BMPR1A: variants seen among roughly 807,000 people sequenced by gnomAD.
BMPR1A encodes bone morphogenetic protein receptor type-1A.
In BMPR1A, 7 loss-of-function variants were observed where a neutral mutation model predicts 66.0. The observed-to-expected ratio is 0.11, with a 90% CI of 0.06 to 0.20. BMPR1A has a LOEUF of 0.20. Among genes scored for constraint, BMPR1A ranks in the 10% least tolerant of loss-of-function variants. The pLI, the probability that BMPR1A is intolerant of heterozygous loss-of-function variation, is 1.00. For synonymous variants in BMPR1A, 200 were observed against 229.7 expected, an observed-to-expected ratio of 0.87 and a Z score of 1.17; for missense variants, 408 against 669.1, an observed-to-expected ratio of 0.61 and a Z score of 4.31.
At chr10:86,837,119 C>T (rs1842359761) in intron 1 of BMPR1A, among the ~76,000 whole-genome samples, 1 of 151,954 alleles carries the variant, frequency 6.6e-6, no homozygotes, top group South Asian at 2.1e-4. Context: ...AACTTTTAGC[C>T]AAGGAAACAA....
At chr10:86,896,704 A>T (rs1042883705) in intron 5 of BMPR1A, among the ~76,000 whole-genome samples, 1 of 152,260 alleles carries the variant, frequency 6.6e-6, no homozygotes, top group Non-Finnish European at 1.5e-5. Context: ...TTTCAAAATG[A>T]GGTAACAATT....
At chr10:86,807,604 A>G (rs2132911612) in intron 1 of BMPR1A, among the ~76,000 whole-genome samples, 1 of 151,880 alleles carries the variant, frequency 6.6e-6, no homozygotes, top group Admixed American at 6.6e-5. Context: ...TCTGGTCTTG[A>G]ATTCCTGGCC....
chr10:86,793,094 A>ACCCCC (rs142292233), intron 1 of BMPR1A, among the ~76,000 whole-genome samples: 3 of 106,024 alleles, frequency 2.8e-5, no homozygotes, highest in African/African-American at 7.3e-5. Context: ...CCTGATCTAT[A>ACCCCC]CCCCCCCCCA....
intron 1 of BMPR1A, among the ~76,000 whole-genome samples, chr10:86,830,531 G>A (rs1261717096): frequency 6.6e-6 from 1 of 152,120 alleles, no homozygotes; most frequent in African/African-American, 2.4e-5. Context: ...TTTTAGCTGT[G>A]CCAGTAGGTG....
Position 86,875,994 on chromosome 10 carries a change from A to G in BMPR1A, c.-25A>G, listed in dbSNP as rs116346662. 3,882 of 1,567,854 alleles carry G rather than the reference A, an allele frequency of 2.5e-3. 61 individuals are homozygous for G. The African/African-American group carries it at 0.041, about 17-fold the overall frequency. On this transcript the variant is annotated 5_prime_UTR_variant, in exon 3 of 13. Coordinates refer to ENST00000372037, the MANE Select transcript of BMPR1A (RefSeq NM_004329.3). ...AAGACCAATTATTAAAGGTGACAGT[A>G]CACAGGAAACATTACAATTGAACAA...
intron 2 of BMPR1A, among the ~76,000 whole-genome samples, chr10:86,848,027 G>A (rs1247580663): frequency 1.3e-5 from 2 of 151,912 alleles, no homozygotes; most frequent in Non-Finnish European, 2.9e-5. Context: ...CGCCCCCCGG[G>A]TTCAAGCAAT....
At chr10:86,913,860 G>A (rs1458060693) in intron 8 of BMPR1A, among the ~76,000 whole-genome samples, 1 of 152,002 alleles carries the variant, frequency 6.6e-6, no homozygotes. Context: ...AATTTCATTC[G>A]AATCCAAATG....
intron 5 of BMPR1A, among the ~76,000 whole-genome samples, chr10:86,898,404 T>C (rs1843260015): frequency 6.6e-6 from 1 of 152,178 alleles, no homozygotes; most frequent in African/African-American, 2.4e-5. Context: ...TTACAAGGGC[T>C]TTCATCTTCC....
downstream of BMPR1A, chr10:86,931,313 A>ATATATATATATATT (rs368438719): frequency 1.1e-4 from 14 of 133,058 alleles, 1 homozygote; most frequent in South Asian, 4.5e-4. Flanking sequence ...ATATATATAT[A>ATATATATATATATT]TTCAAGCAAT....
intron 8 of BMPR1A, among the ~76,000 whole-genome samples, chr10:86,914,570 A>G (rs1843536491): frequency 6.6e-6 from 1 of 152,214 alleles, no homozygotes; most frequent in Non-Finnish European, 1.5e-5. Flanking sequence ...AAAAGATTTG[A>G]ACAGACACTT....
At chr10:86,795,803 G>GTA (rs1406526044) in intron 1 of BMPR1A, among the ~76,000 whole-genome samples, 4 of 151,816 alleles carry the variant, frequency 2.6e-5, no homozygotes, top group African/African-American at 9.7e-5. Context: ...TTATTTCTTT[G>GTA]TATATTCAGA....
intron 1 of BMPR1A, among the ~76,000 whole-genome samples, chr10:86,826,996 T>A (rs117508942): frequency 1.3e-5 from 1 of 75,814 alleles, no homozygotes; most frequent in East Asian, 1.7e-3. Context: ...CTACTTATCT[T>A]TCTATCTATT....
intron 1 of BMPR1A, among the ~76,000 whole-genome samples, chr10:86,821,706 C>T (rs1245681594): frequency 3.3e-5 from 5 of 152,204 alleles, no homozygotes; most frequent in Admixed American, 1.3e-4. Context: ...TTACCTCTCT[C>T]TTGCCAAAAC....
chr10:86,790,217 ATATATATATATATATATATC>A (rs1564685598), intron 1 of BMPR1A, among the ~76,000 whole-genome samples: 6 of 88,428 alleles, frequency 6.8e-5, no homozygotes, highest in Non-Finnish European at 1.1e-4. Flanking sequence ...ATATATATAT[ATATATATATATATATATATC>A]AAAACCACAA....
intron 2 of BMPR1A, among the ~76,000 whole-genome samples, chr10:86,868,545 TTC>T (rs1768908066): frequency 6.6e-6 from 1 of 152,236 alleles, no homozygotes. Context: ...AGTCTATTCC[TTC>T]TCAGAAAGCT....
intron 1 of BMPR1A, among the ~76,000 whole-genome samples, chr10:86,804,948 A>G (rs905142998): frequency 6.6e-6 from 1 of 152,102 alleles, no homozygotes; most frequent in African/African-American, 2.4e-5. Context: ...CTCCCTTTAA[A>G]GGTACCAGGG....
At chr10:86,802,627 G>C (rs1841827761) in intron 1 of BMPR1A, among the ~76,000 whole-genome samples, 1 of 151,088 alleles carries the variant, frequency 6.6e-6, no homozygotes, top group South Asian at 2.1e-4. Context: ...GCAAGCTTGA[G>C]GGAGAAAAAA....
At chr10:86,855,910 A>G (rs1842633840) in intron 2 of BMPR1A, 1 of 661,708 alleles carries the variant, frequency 1.5e-6, no homozygotes. Context: ...CAAACTGGCT[A>G]GGATTGTTGA....
intron 1 of BMPR1A, among the ~76,000 whole-genome samples, chr10:86,795,104 G>C (rs766558296): frequency 6.6e-6 from 1 of 151,864 alleles, no homozygotes; most frequent in Non-Finnish European, 1.5e-5. Context: ...GCCTGCTTCT[G>C]CCTCCCAAAG....
Sources: allele counts gnomAD v4.1 joint callset (sites outside exome capture counted in the v4.1 genomes callset), GRCh38; gene constraint gnomAD v4.1.1; transcripts MANE v1.5; gene names NCBI Gene and HGNC (gene_info 2026-07-23, HGNC 2026-07-21).